Variants in TMEM135 observed in about 807,000 individuals in gnomAD.
The protein encoded by TMEM135 is peroxisomal membrane protein 52.
TMEM135 carries 30 observed loss-of-function variants against 60.3 expected under a neutral mutation model. That is an observed-to-expected ratio of 0.50 (90% CI 0.37 to 0.68). TMEM135 has a LOEUF of 0.68. Among genes scored for constraint, TMEM135 ranks in the 30% least tolerant of loss-of-function variants. The pLI is 0.00. For missense variants in TMEM135, 468 were observed against 548.8 expected, an observed-to-expected ratio of 0.85 and a Z score of 1.47; for synonymous variants, 190 against 186.7, an observed-to-expected ratio of 1.02 and a Z score of -0.14.
chr11:87,046,946 G>C (rs1266090431), intron 1 of TMEM135, among the ~76,000 whole-genome samples: 2 of 152,148 alleles, frequency 1.3e-5, no homozygotes, highest in African/African-American at 2.4e-5. Flanking sequence ...CTTAACATTT[G>C]TGAACCTCAG....
At position 87,323,988 on chromosome 11, in the gene TMEM135, A is replaced by G. The variant is rs1249600342; in HGVS notation, c.*2655A>G. ...TGTTTAGTCAGTTGTTATTTAATTT[A>G]GAATTTTATATTTTTTTGGCTCTCA... On this transcript the variant is annotated 3_prime_UTR_variant, in exon 15 of 15. Coordinates refer to ENST00000305494, the MANE Select transcript of TMEM135 (RefSeq NM_022918.4). 6.6e-6 allele frequency: 3 copies of G among 453,768 alleles called. No homozygotes were observed. The highest frequency in any genetic ancestry group is 3.1e-5 in the South Asian group (2 of 64,328). The allele number at this position is 453,768 out of a possible 1,614,324, so 28.1% of individuals were successfully genotyped here. A position where few individuals can be genotyped will look rare whatever the true frequency, so the allele number is the denominator to read the frequency against.
At chr11:87,130,369 T>C (rs1017312214) in intron 4 of TMEM135, among the ~76,000 whole-genome samples, 1 of 152,192 alleles carries the variant, frequency 6.6e-6, no homozygotes, top group Non-Finnish European at 1.5e-5. Context: ...TTTCTACTGT[T>C]TTCCTAAGAG....
At chr11:87,123,950 C>T (rs916568310) in intron 4 of TMEM135, among the ~76,000 whole-genome samples, 5 of 152,130 alleles carry the variant, frequency 3.3e-5, no homozygotes, top group Non-Finnish European at 7.4e-5. Context: ...AGCTAAGAAA[C>T]AGTGACTCTA....
At chr11:87,172,143 C>T (rs1309425971) in intron 5 of TMEM135, among the ~76,000 whole-genome samples, 2 of 152,122 alleles carry the variant, frequency 1.3e-5, no homozygotes, top group Admixed American at 1.3e-4. Flanking sequence ...TACCTGGGCT[C>T]CATCACCAAA....
At chr11:87,259,240 G>A (rs777550187) in intron 6 of TMEM135, 132 of 445,528 alleles carry the variant, frequency 3.0e-4, no homozygotes, top group Non-Finnish European at 5.3e-4. Flanking sequence ...GGGGATAGGG[G>A]TTCCCCTGCG....
chr11:87,121,487 G>A (rs541798263), intron 4 of TMEM135: 1 of 152,042 alleles, frequency 6.6e-6, no homozygotes, highest in South Asian at 2.1e-4. Flanking sequence ...GGTATGAGAT[G>A]GGACTGGAAG....
chr11:87,322,901 A>G lies in TMEM135; in HGVS notation c.*1568A>G, dbSNP rs1385041077. On this transcript the variant is annotated 3_prime_UTR_variant, in exon 15 of 15. Transcript: ENST00000305494. ...GTTTATTTGGCAATGCTGTTAAAGGATCATTTCGGTTTCAGACTTCAAAGT... is the reference window on the plus strand; with the variant it reads ...GTTTATTTGGCAATGCTGTTAAAGGGTCATTTCGGTTTCAGACTTCAAAGT... The G allele has an allele frequency of 2.2e-6, 1 of 454,430 alleles. No homozygotes were observed. The highest frequency in any genetic ancestry group is 4.4e-6 in the Non-Finnish European group (1 of 226,730). The allele number at this position is 454,430 out of a possible 1,614,324, so 28.1% of individuals were successfully genotyped here.
chr11:87,241,699 ACTGT>A (rs1460636384), intron 6 of TMEM135, among the ~76,000 whole-genome samples: 1 of 151,986 alleles, frequency 6.6e-6, no homozygotes, highest in Non-Finnish European at 1.5e-5. Context: ...CCCGTATTCT[ACTGT>A]CTATCTCCAT....
intron 5 of TMEM135, among the ~76,000 whole-genome samples, chr11:87,235,664 G>A (rs1432195097): frequency 2.6e-5 from 4 of 151,918 alleles, no homozygotes; most frequent in African/African-American, 7.2e-5. Flanking sequence ...GGCCATTGAC[G>A]ATTCTTAGGC....
chr11:87,307,877 G>C (rs2135446010), intron 9 of TMEM135, among the ~76,000 whole-genome samples: 1 of 152,112 alleles, frequency 6.6e-6, no homozygotes, highest in South Asian at 2.1e-4. Flanking sequence ...ACTTTTTCTT[G>C]GTTCCTTATA....
At chr11:87,279,983 C>A (rs540101441) in intron 6 of TMEM135, among the ~76,000 whole-genome samples, 1 of 152,266 alleles carries the variant, frequency 6.6e-6, no homozygotes, top group Non-Finnish European at 1.5e-5. Flanking sequence ...GTATTAATTA[C>A]CTGAATTTTA....
At chr11:87,089,157 T>C (rs1409306655) in intron 3 of TMEM135, among the ~76,000 whole-genome samples, 1 of 152,110 alleles carries the variant, frequency 6.6e-6, no homozygotes, top group African/African-American at 2.4e-5. Context: ...TACTACAAAA[T>C]ACAAAAAAAT....
intron 5 of TMEM135, among the ~76,000 whole-genome samples, chr11:87,165,619 C>T (rs529821005): frequency 6.6e-6 from 1 of 150,866 alleles, no homozygotes; most frequent in African/African-American, 2.5e-5. Flanking sequence ...GGAATGGTAC[C>T]AGTTCCTCCT....
rs954787231 is a variant in TMEM135, at chr11:87,164,170, A to G, written c.462+6764A>G. Among the ~76,000 whole-genome samples, 3 of 122,586 alleles carry G rather than the reference A, an allele frequency of 2.4e-5. 1 individual carries two copies. Among genetic ancestry groups the G allele is most frequent in the Admixed American group, 9.2e-5 (1 of 10,872 alleles). 80.4% of individuals were successfully genotyped at this position (122,586 alleles called of 152,430 possible). ...TTTCTTCTAGGGTTTTTATGGTTTT[A>G]GGTCTAACGTTTAAGTCTTTAATCC... is the stretch of plus-strand genomic sequence containing the variant. On this transcript the variant is annotated intron_variant, in intron 5 of 14. Transcript: ENST00000305494.
intron 1 of TMEM135, among the ~76,000 whole-genome samples, chr11:87,043,140 A>G (rs1949765547): frequency 6.6e-6 from 1 of 151,422 alleles, no homozygotes; most frequent in African/African-American, 2.4e-5. Flanking sequence ...TTTTTAGTAG[A>G]GACGGGGTTT....
chr11:87,298,956 TG>T (rs1200570204), intron 7 of TMEM135, among the ~76,000 whole-genome samples: 1 of 151,674 alleles, frequency 6.6e-6, no homozygotes, highest in African/African-American at 2.4e-5. Context: ...GGTGTGGTGA[TG>T]GGCGCCTGTA....
chr11:87,253,686 T>TGG (rs1941467007), intron 6 of TMEM135, among the ~76,000 whole-genome samples: 4 of 136,300 alleles, frequency 2.9e-5, no homozygotes, highest in African/African-American at 1.1e-4. Flanking sequence ...TATATATATA[T>TGG]ATATATATAT....
rs10671410 is a variant in TMEM135, at chr11:87,138,088, C to CTTTT, written c.397-19241_397-19238dup. Among the ~76,000 whole-genome samples, 573 of 137,858 alleles carry CTTTT rather than the reference C, an allele frequency of 4.2e-3. 5 individuals carry two copies. Among genetic ancestry groups the CTTTT allele is most frequent in the East Asian group, 0.031 (141 of 4,612 alleles). The allele number at this position is 137,858 out of a possible 152,430, so 90.4% of individuals were successfully genotyped here. On this transcript the variant is annotated intron_variant, in intron 4 of 14. Transcript: ENST00000305494. ...ATGTTTAAAAAGACCAAGTTGATTT[C>CTTTT]TTTTTTTTTTTTTTTCCTTTTAGAC...
At chr11:87,059,276 A>G (rs1642713308) in intron 1 of TMEM135, among the ~76,000 whole-genome samples, 1 of 150,748 alleles carries the variant, frequency 6.6e-6, no homozygotes, top group Non-Finnish European at 1.5e-5. Context: ...TTATGGATGA[A>G]TATCCTACTT....
Sources: allele counts gnomAD v4.1 joint callset (sites outside exome capture counted in the v4.1 genomes callset), GRCh38; gene constraint gnomAD v4.1.1; transcripts MANE v1.5; gene names NCBI Gene and HGNC (gene_info 2026-07-23, HGNC 2026-07-21).